Variants in GLYATL1B observed in about 807,000 individuals in gnomAD.
The protein encoded by GLYATL1B is glycine-N-acyltransferase like 1B.
A neutral mutation model predicts 5.5 loss-of-function variants in GLYATL1B; 6 were observed. That is an observed-to-expected ratio of 1.09 (90% CI 0.60 to 2.15). The LOEUF (loss-of-function observed/expected upper bound fraction) is 2.15. Among genes scored for constraint, GLYATL1B ranks in the 30% most tolerant of loss-of-function variants. The pLI, the probability that GLYATL1B is intolerant of heterozygous loss-of-function variation, is 0.00. For synonymous variants in GLYATL1B, 67 were observed against 34.9 expected (o/e 1.92, Z -3.24); for missense variants, 135 against 94.1 (o/e 1.43, Z -1.80).
At chr11:59,087,724 A>G (rs1482020944) in intron 2 of GLYATL1B, among the ~76,000 whole-genome samples, 2 of 152,128 alleles carry the variant, frequency 1.3e-5, no homozygotes, top group Admixed American at 6.5e-5. Flanking sequence ...ATGCGTGCCT[A>G]TACTCCTAGA....
intron 1 of GLYATL1B, 138 bp from the exon 2 acceptor site, chr11:59,086,926 G>A (rs1212657064): frequency 1.6e-5 from 7 of 436,464 alleles, no homozygotes; most frequent in Non-Finnish European, 2.8e-5. Flanking sequence ...GTATGGTCCT[G>A]GAGATGCTGT....
At chr11:59,089,535 A>G (rs1859265042) in intron 2 of GLYATL1B, among the ~76,000 whole-genome samples, 1 of 152,146 alleles carries the variant, frequency 6.6e-6, no homozygotes, top group Non-Finnish European at 1.5e-5. Context: ...TTTATGCCAA[A>G]CTGGTGGGTG....
intron 1 of GLYATL1B, among the ~76,000 whole-genome samples, chr11:59,086,591 C>G (rs1346548132): frequency 6.6e-6 from 1 of 152,082 alleles, no homozygotes; most frequent in African/African-American, 2.4e-5. Flanking sequence ...TTTTATCACT[C>G]ATTTGGAGAG....
chr11:59,086,390 G>A lies in GLYATL1B; in HGVS notation c.78+6G>A, dbSNP rs1859196382. ...GCATTCCTGAGTCCCTGAAGGTGAA[G>A]GAACAGTGGGAGGTTGGGGTATGGG... is the stretch of plus-strand genomic sequence containing the variant. On this transcript the variant is annotated splice_donor_region_variant and intron_variant, in intron 1 of 4. Transcript: ENST00000527482. 3 of 398,698 alleles carry A rather than the reference G, an allele frequency of 7.5e-6. 1 individual carries two copies. The highest frequency in any genetic ancestry group is 1.3e-5 in the Non-Finnish European group (3 of 225,786). The allele number at this position is 398,698 out of a possible 1,614,324, so 24.7% of individuals were successfully genotyped here.
At position 59,094,356 on chromosome 11, in the gene GLYATL1B, T is replaced by C. The variant is rs1859385040; in HGVS notation, c.492-13T>C. 2.0e-6 allele frequency: 1 copy of C among 505,088 alleles called. No homozygotes were observed. Among genetic ancestry groups the C allele is most frequent in the South Asian group, 4.7e-5 (1 of 21,286 alleles). 31.3% of individuals were successfully genotyped at this position (505,088 alleles called of 1,614,324 possible). A position where few individuals can be genotyped will look rare whatever the true frequency, so the allele number is the denominator to read the frequency against. On this transcript the variant is annotated splice_polypyrimidine_tract_variant and intron_variant, in intron 4 of 4. Coordinates refer to ENST00000527482, the MANE Select transcript of GLYATL1B (RefSeq NM_001355566.1). ...GGGATGAAAGTTGTTGTCTTTCTTT[T>C]TGTTTTCTACAGCGAGACTCCGAAC...
rs1859375401 is a variant in GLYATL1B at position 59,093,934 on chromosome 11, G to A, written c.314G>A (p.Gly105Asp). 1.5e-6 allele frequency: 1 copy of A among 667,914 alleles called. No homozygotes were observed. Among genetic ancestry groups the A allele is most frequent in the South Asian group, 1.9e-5 (1 of 51,338 alleles). 41.4% of individuals were successfully genotyped at this position (667,914 alleles called of 1,614,324 possible). A position where few individuals can be genotyped will look rare whatever the true frequency, so the allele number is the denominator to read the frequency against. Residue 105 changes from glycine to aspartate, a missense_variant and splice_region_variant, in exon 4 of 5, where the codon GGT becomes GAT. Coordinates refer to ENST00000527482, the MANE Select transcript of GLYATL1B (RefSeq NM_001355566.1). Reference protein sequence around the residue: ...INWKQKLQIQGFQESLGEGIR... With the variant: ...INWKQKLQIQDFQESLGEGIR... ...TATTGCTTTCTTGGCTTTCTCTCAG[G>A]TTTTCAAGAAAGTTTAGGTGAGGGG...
Position 59,088,470 on chromosome 11 carries a change from C to T in GLYATL1B, c.186+1299C>T, listed in dbSNP as rs143571338. Among the ~76,000 whole-genome samples, 1,151 of 152,246 alleles carry T rather than the reference C, an allele frequency of 7.6e-3. 16 individuals are homozygous for T. The highest frequency in any genetic ancestry group is 0.012 in the Non-Finnish European group (830 of 68,022). ...TAATAAGCTGAGCCTAATACCTTCC[C>T]CAGGGATGTTCTTTTGATCTCCTGG... On this transcript the variant is annotated intron_variant, in intron 2 of 4. Coordinates refer to ENST00000527482, the MANE Select transcript of GLYATL1B (RefSeq NM_001355566.1).
chr11:59,094,427 G>C lies in GLYATL1B; in HGVS notation c.550G>C (p.Asp184His), dbSNP rs1859386728. ...TGTGTCTTATTCTGGGCTGGTAAAT[G>C]ACAACTGGAAGCTAGGGATGAATAA... ...LNVSYSGLVN[D>H]NWKLGMNKRS... Residue 184 changes from aspartate to histidine, a missense_variant, in exon 5 of 5, where the codon GAC (aspartate) becomes CAC (histidine). Transcript: ENST00000527482. 1.5e-6 allele frequency: 1 copy of C among 663,586 alleles called. No homozygotes were observed. The highest frequency in any genetic ancestry group is 2.7e-6 in the Non-Finnish European group (1 of 365,558). 41.1% of individuals were successfully genotyped at this position (663,586 alleles called of 1,614,324 possible).
At chr11:59,092,478 G>C (rs1210486701) in intron 2 of GLYATL1B, among the ~76,000 whole-genome samples, 1 of 152,066 alleles carries the variant, frequency 6.6e-6, no homozygotes, top group Non-Finnish European at 1.5e-5. Flanking sequence ...GAGGTGTTGT[G>C]TTTTGGCCAT....
chr11:59,090,108 C>T (rs929726749), intron 2 of GLYATL1B, among the ~76,000 whole-genome samples: 3 of 152,042 alleles, frequency 2.0e-5, no homozygotes, highest in African/African-American at 4.8e-5. Flanking sequence ...ACATAAATGT[C>T]TATTTTGTCA....
chr11:59,092,688 G>A (rs118127327), intron 2 of GLYATL1B, among the ~76,000 whole-genome samples: 1 of 152,156 alleles, frequency 6.6e-6, no homozygotes, highest in African/African-American at 2.4e-5. Flanking sequence ...TGTGGCTTGT[G>A]AGAATGAGAT....
chr11:59,094,550 C>G lies in GLYATL1B; in HGVS notation c.673C>G (p.Pro225Ala). 3.0e-6 allele frequency: 2 copies of G among 669,326 alleles called. No individual in the cohort carries two copies. Among genetic ancestry groups the G allele is most frequent in the Non-Finnish European group, 2.5e-6 (1 of 403,296 alleles). The allele number at this position is 669,326 out of a possible 1,614,324, so 41.5% of individuals were successfully genotyped here. A position where few individuals can be genotyped will look rare whatever the true frequency, so the allele number is the denominator to read the frequency against. The change falls in exon 5 of 5, where the codon CCT becomes GCT. Residue 225 changes from proline to alanine, a missense_variant. Physicochemically the swap from Pro to Ala is conservative, Grantham distance 27. Transcript: ENST00000527482. Reference protein sequence around the residue: ...GVPVSWVTMDPSCEIGMGYSV... With the variant: ...GVPVSWVTMDASCEIGMGYSV... Reference sequence around the variant, plus strand: ...CCCGGTCTCATGGGTAACCATGGACCCTTCTTGTGAAATAGGAATGGGCTA... The same window carrying G: ...CCCGGTCTCATGGGTAACCATGGACGCTTCTTGTGAAATAGGAATGGGCTA...
chr11:59,091,782 T>C (rs1013280869), intron 2 of GLYATL1B, among the ~76,000 whole-genome samples: 4 of 152,170 alleles, frequency 2.6e-5, no homozygotes, highest in African/African-American at 9.7e-5. Flanking sequence ...TGCTGCACTG[T>C]TCACAATAGC....
At chr11:59,089,422 A>G (rs1242694844) in intron 2 of GLYATL1B, among the ~76,000 whole-genome samples, 1 of 152,224 alleles carries the variant, frequency 6.6e-6, no homozygotes, top group East Asian at 1.9e-4. Flanking sequence ...AGGCACTGCC[A>G]GACTACCCTC....
At chr11:59,092,705 T>A (rs1859342385) in intron 2 of GLYATL1B, among the ~76,000 whole-genome samples, 1 of 152,214 alleles carries the variant, frequency 6.6e-6, no homozygotes, top group African/African-American at 2.4e-5. Context: ...AGATCACAAG[T>A]ATCTTTCTTT....
At chr11:59,087,243 C>T in intron 2 of GLYATL1B, 72 bp downstream of exon 2, 1 of 462,346 alleles carries the variant, frequency 2.2e-6, no homozygotes, top group Non-Finnish European at 3.8e-6. Flanking sequence ...AATTCAGACA[C>T]CATGGCTGCT....
chr11:59,088,681 A>G (rs1250055269), intron 2 of GLYATL1B, among the ~76,000 whole-genome samples: 5 of 152,224 alleles, frequency 3.3e-5, no homozygotes, highest in Non-Finnish European at 7.3e-5. Context: ...TCATATATGC[A>G]TTGCTTTGAA....
chr11:59,088,597 G>A (rs1859241694), intron 2 of GLYATL1B, among the ~76,000 whole-genome samples: 1 of 152,166 alleles, frequency 6.6e-6, no homozygotes, highest in Admixed American at 6.5e-5. Flanking sequence ...GAACCAAATA[G>A]TTCTTTTTAC....
chr11:59,087,683 A>C (rs1036101609), intron 2 of GLYATL1B, among the ~76,000 whole-genome samples: 3 of 152,022 alleles, frequency 2.0e-5, no homozygotes, highest in African/African-American at 7.2e-5. Context: ...CATCTCTACA[A>C]AAAAATAAAC....
Sources: gnomAD v4.1 joint callset for allele counts (sites outside exome capture counted in the v4.1 genomes callset) on GRCh38, gnomAD v4.1.1 for gene constraint, MANE v1.5 for transcripts, NCBI Gene and HGNC (gene_info 2026-07-23, HGNC 2026-07-21) for gene names.